NME8: variants seen among roughly 807,000 people sequenced by gnomAD.
The protein encoded by NME8 is NME/NM23 family member 8, also known as protein NME8.
NME8 carries 72 observed loss-of-function variants against 82.3 expected under a neutral mutation model. That is an observed-to-expected ratio of 0.87 (90% confidence interval 0.72 to 1.06). The LOEUF is 1.06. Among genes scored for constraint, NME8 ranks in the 50% least tolerant of loss-of-function variants. The pLI is 0.00. For synonymous variants in NME8, 267 were observed against 228.5 expected (o/e 1.17, Z -1.52); for missense variants, 712 against 685.4 (o/e 1.04, Z -0.43).
chr7:37,866,785 G>GC (rs998199041), intron 10 of NME8, among the ~76,000 whole-genome samples: 1 of 152,142 alleles, frequency 6.6e-6, no homozygotes, highest in Non-Finnish European at 1.5e-5. Flanking sequence ...GCCTCAGGAG[G>GC]CCCTGATGAC....
At position 37,857,336 on chromosome 7, in the gene NME8, C is replaced by T. The variant is rs763278466; in HGVS notation, c.261C>T (p.Leu87=). 8 of 1,605,958 alleles carry T rather than the reference C, an allele frequency of 5.0e-6. No homozygotes were observed. In the South Asian group the frequency reaches 8.8e-5, roughly 18 times the overall value. The change falls in exon 6 of 18, where the codon CTC becomes CTT. Residue 87 remains leucine (L), a synonymous_variant. Coordinates refer to ENST00000199447, the MANE Select transcript of NME8 (RefSeq NM_016616.5). ...GAGATAAATGTGAACCTGTTTTTCTCTTTAGTGTTGTAAGTATATTTACTT... is the reference window on the plus strand; with the variant it reads ...GAGATAAATGTGAACCTGTTTTTCTTTTTAGTGTTGTAAGTATATTTACTT... ...PFRDKCEPVF[L]FSVNGKIIEK... is the part of the protein sequence containing the mutation.
At chr7:37,864,908 T>C (rs967276019) in intron 9 of NME8, among the ~76,000 whole-genome samples, 2 of 152,128 alleles carry the variant, frequency 1.3e-5, no homozygotes, top group Non-Finnish European at 2.9e-5. Flanking sequence ...TTCACTATCA[T>C]GAGAACAGTG....
intron 15 of NME8, among the ~76,000 whole-genome samples, chr7:37,892,698 C>A (rs918057150): frequency 6.6e-6 from 1 of 151,952 alleles, no homozygotes; most frequent in Non-Finnish European, 1.5e-5. Flanking sequence ...TAGTTTATTT[C>A]TGTTATTTTA....
chr7:37,892,988 A>G (rs1785154843), intron 15 of NME8, among the ~76,000 whole-genome samples: 1 of 152,034 alleles, frequency 6.6e-6, no homozygotes, highest in Non-Finnish European at 1.5e-5. Flanking sequence ...TTTTATTTTT[A>G]TAATGGCTCA....
chr7:37,873,794 G>T (rs1416514997), intron 11 of NME8, among the ~76,000 whole-genome samples: 1 of 152,208 alleles, frequency 6.6e-6, no homozygotes, highest in Non-Finnish European at 1.5e-5. Flanking sequence ...GTACATAGGC[G>T]CATTATCACT....
In NME8 at chr7:37,850,258, A is replaced by G. The variant is rs762850101; in HGVS notation, c.-7-2A>G. On this transcript the variant is annotated splice_acceptor_variant, in intron 2 of 17. Transcript: ENST00000199447. LOFTEE classifies it low-confidence loss of function (5UTR_SPLICE). Reference sequence around the variant, plus strand: ...AATTTTTCTTTCTTTTTCCTATGATAGTAGATAAATGGCAAGCAAAAAACG... The same window carrying G: ...AATTTTTCTTTCTTTTTCCTATGATGGTAGATAAATGGCAAGCAAAAAACG... 2 of 1,613,230 alleles carry G rather than the reference A, an allele frequency of 1.2e-6. No homozygotes were observed. The highest frequency in any genetic ancestry group is 2.2e-5 in the South Asian group (2 of 91,062).
At chr7:37,850,604 T>G (rs758333100) in intron 4 of NME8, 25 bp from the exon 5 acceptor site, 15 of 1,571,112 alleles carry the variant, frequency 9.5e-6, no homozygotes, top group Non-Finnish European at 1.2e-5. Context: ...GACTTTGTTA[T>G]TTCATAAATA....
chr7:37,863,005 A>G (rs1292307019), intron 7 of NME8, among the ~76,000 whole-genome samples: 1 of 152,104 alleles, frequency 6.6e-6, no homozygotes, highest in Non-Finnish European at 1.5e-5. Context: ...CTGTAATCCC[A>G]GCTATTCGGG....
Position 37,867,799 on chromosome 7 carries a change from C to G in NME8, c.719C>G (p.Thr240Ser). ...GSKHNPPSEE[T>S]EPQTDTEPNE... ...AAACACAATCCTCCCTCTGAAGAAACCGAACCACAGACTGACACCGAACCT... is the reference window on the plus strand; with the variant it reads ...AAACACAATCCTCCCTCTGAAGAAAGCGAACCACAGACTGACACCGAACCT... Residue 240 changes from threonine (T) to serine (S), a missense_variant, in exon 11 of 18, where the codon ACC becomes AGC. Thr to Ser is a moderately conservative substitution (Grantham distance 58). Transcript: ENST00000199447. 2 of 1,613,916 alleles carry G rather than the reference C, an allele frequency of 1.2e-6. No individual in the cohort carries two copies. Among genetic ancestry groups the G allele is most frequent in the Non-Finnish European group, 1.7e-6 (2 of 1,179,840 alleles).
At chr7:37,897,167 G>C in intron 17 of NME8, 60 bp downstream of exon 17, 1 of 1,056,858 alleles carries the variant, frequency 9.5e-7, no homozygotes, top group East Asian at 2.6e-5. Flanking sequence ...CTGAGGCTAG[G>C]ACAAACCTGT....
At chr7:37,877,883 C>G (rs556278695) in intron 12 of NME8, among the ~76,000 whole-genome samples, 1 of 152,146 alleles carries the variant, frequency 6.6e-6, no homozygotes, top group Non-Finnish European at 1.5e-5. Flanking sequence ...AAAATCTCTC[C>G]GGCTGAGAAT....
chr7:37,893,286 G>A (rs2598124), intron 15 of NME8, among the ~76,000 whole-genome samples: 67,051 of 151,946 alleles, frequency 0.44, 15,288 homozygotes, highest in East Asian at 0.74. Context: ...CTTGCTTGCA[G>A]TGCCACAATC....
At chr7:37,859,725 GT>G (rs1282054452) in intron 6 of NME8, among the ~76,000 whole-genome samples, 1 of 152,096 alleles carries the variant, frequency 6.6e-6, no homozygotes, top group Non-Finnish European at 1.5e-5. Context: ...TCAATCCTGA[GT>G]CCTGCCATCA....
At chr7:37,873,358 TC>T (rs1253117225) in intron 11 of NME8, among the ~76,000 whole-genome samples, 9 of 40,236 alleles carry the variant, frequency 2.2e-4, no homozygotes, top group African/African-American at 4.2e-4. Flanking sequence ...AGACTCTGTC[TC>T]AAAAAAAAAA....
intron 15 of NME8, among the ~76,000 whole-genome samples, chr7:37,889,846 T>C (rs887791531): frequency 6.6e-6 from 1 of 151,964 alleles, no homozygotes; most frequent in African/African-American, 2.4e-5. Flanking sequence ...TTCATCTTGA[T>C]TTATTTTTCC....
intron 7 of NME8, 106 bp downstream of exon 7, chr7:37,862,250 T>TA (rs1784607618): frequency 1.3e-6 from 1 of 758,666 alleles, no homozygotes; most frequent in Non-Finnish European, 2.4e-6. Flanking sequence ...TTTGAGTACT[T>TA]TATGTCTTTT....
At chr7:37,850,851 A>G (rs906242840) in intron 5 of NME8, 116 bp downstream of exon 5, 1 of 727,370 alleles carries the variant, frequency 1.4e-6, no homozygotes, top group African/African-American at 1.8e-5. Context: ...TTCAAAATAG[A>G]TAGTCTTTAC....
chr7:37,873,370 A>AAAAAAAAG (rs796807809), intron 11 of NME8, among the ~76,000 whole-genome samples: 133 of 147,070 alleles, frequency 9.0e-4, no homozygotes, highest in South Asian at 3.1e-3. Flanking sequence ...AAAAAAAAAA[A>AAAAAAAAG]AAAAGAAAAG....
intron 17 of NME8, among the ~76,000 whole-genome samples, chr7:37,897,401 G>T (rs1785246279): frequency 6.6e-6 from 1 of 152,108 alleles, no homozygotes; most frequent in African/African-American, 2.4e-5. Context: ...CACACAGCTT[G>T]GTCTTGAGCT....
Sources: allele counts gnomAD v4.1 joint callset (sites outside exome capture counted in the v4.1 genomes callset), GRCh38; gene constraint gnomAD v4.1.1; transcripts MANE v1.5; gene names NCBI Gene and HGNC (gene_info 2026-07-23, HGNC 2026-07-21).